MDGA2: variants seen among roughly 807,000 people sequenced by gnomAD.
The protein encoded by MDGA2 is MAM domain containing glycosylphosphatidylinositol anchor 2.
A neutral mutation model predicts 117.8 loss-of-function variants in MDGA2; 40 were observed. The observed-to-expected ratio is 0.34, with a 90% CI of 0.26 to 0.44. The LOEUF (loss-of-function observed/expected upper bound fraction) is 0.44, where lower values mean the gene tolerates loss of function less well. Among genes scored for constraint, MDGA2 ranks in the 20% least tolerant of loss-of-function variants. MDGA2 has a pLI of 1.00. For missense variants in MDGA2, 1,123 were observed against 1,250.6 expected, an observed-to-expected ratio of 0.90 and a Z score of 1.54; for synonymous variants, 452 against 439.0, an observed-to-expected ratio of 1.03 and a Z score of -0.37.
intron 1 of MDGA2, among the ~76,000 whole-genome samples, chr14:47,592,868 A>G (rs1896467303): frequency 6.6e-6 from 1 of 152,254 alleles, no homozygotes. Context: ...AATTGCAACA[A>G]AAGTAAAAAC....
At chr14:47,335,734 T>TATATATATATATATATATATATATATATA (rs1555374518) in intron 1 of MDGA2, among the ~76,000 whole-genome samples, 49 of 47,988 alleles carry the variant, frequency 1.0e-3, no homozygotes, top group African/African-American at 2.4e-3. Flanking sequence ...CACATATATT[T>TATATATATATATATATATATATATATATA]TATATATATA....
chr14:47,235,291 A>C (rs571161076), intron 2 of MDGA2, among the ~76,000 whole-genome samples: 1 of 152,308 alleles, frequency 6.6e-6, no homozygotes, highest in African/African-American at 2.4e-5. Flanking sequence ...TTATTACTTA[A>C]AAGTTTTGAC....
intron 2 of MDGA2, among the ~76,000 whole-genome samples, chr14:47,282,923 G>A (rs147974576): frequency 2.6e-5 from 4 of 152,216 alleles, no homozygotes; most frequent in African/African-American, 9.6e-5. Context: ...ACTCCAGCCT[G>A]AGCGACAGAG....
chr14:47,134,789 A>G (rs1435209863), intron 4 of MDGA2, among the ~76,000 whole-genome samples: 1 of 151,358 alleles, frequency 6.6e-6, no homozygotes, highest in Non-Finnish European at 1.5e-5. Flanking sequence ...ATATATATAT[A>G]TATATATCAC....
At chr14:46,993,889 T>C (rs543305382) in intron 8 of MDGA2, among the ~76,000 whole-genome samples, 2 of 152,296 alleles carry the variant, frequency 1.3e-5, no homozygotes, top group East Asian at 1.9e-4. Context: ...ATTCAGCTTC[T>C]GGGAGGTGTC....
chr14:47,584,406 T>C (rs1475371028), intron 1 of MDGA2, among the ~76,000 whole-genome samples: 1 of 151,896 alleles, frequency 6.6e-6, no homozygotes, highest in Admixed American at 6.6e-5. Context: ...ACTTGATGAC[T>C]GATTATATTT....
intron 1 of MDGA2, among the ~76,000 whole-genome samples, chr14:47,330,345 C>T (rs1890258388): frequency 6.6e-6 from 1 of 151,708 alleles, no homozygotes; most frequent in Admixed American, 6.6e-5. Flanking sequence ...ATATCAAATG[C>T]CATAGTTTGT....
chr14:47,602,594 G>C (rs1456686195), intron 1 of MDGA2, among the ~76,000 whole-genome samples: 1 of 152,138 alleles, frequency 6.6e-6, no homozygotes, highest in Non-Finnish European at 1.5e-5. Flanking sequence ...ACTATTTACA[G>C]TAAGGAAGAG....
At position 47,160,925 on chromosome 14, in the gene MDGA2, A is replaced by G. The variant is rs528414053; in HGVS notation, c.596-16651T>C. ...TTTAAATTTTGCTAGAAAATAATCA[A>G]TTTCCTTAAGAACTGCATGAAGCAT... is the stretch of plus-strand genomic sequence containing the variant. On this transcript the variant is annotated intron_variant, in intron 3 of 16. Transcript: ENST00000399232. Among the ~76,000 whole-genome samples the G allele has an allele frequency of 3.9e-5, 6 of 152,210 alleles. No homozygotes were observed. In the South Asian group the frequency reaches 1.2e-3, roughly 32 times the overall value.
intron 1 of MDGA2, among the ~76,000 whole-genome samples, chr14:47,642,340 T>C (rs1233545144): frequency 1.3e-5 from 2 of 152,094 alleles, no homozygotes; most frequent in Admixed American, 6.5e-5. Flanking sequence ...CAGCAGTACA[T>C]AACTCTTTAT....
At chr14:47,370,499 G>GTTTTTTTTTTTTT (rs1566758127) in intron 1 of MDGA2, among the ~76,000 whole-genome samples, 1 of 30,776 alleles carries the variant, frequency 3.2e-5, no homozygotes, top group East Asian at 1.1e-3. Context: ...TTTTTTTTTT[G>GTTTTTTTTTTTTT]TGTGTGTGTG....
At chr14:47,417,216 T>G in intron 1 of MDGA2, among the ~76,000 whole-genome samples, 1 of 152,204 alleles carries the variant, frequency 6.6e-6, no homozygotes, top group Non-Finnish European at 1.5e-5. Context: ...ATAATTTCCC[T>G]TTTTCACATT....
chr14:47,139,508 G>T (rs2139184109), intron 4 of MDGA2, among the ~76,000 whole-genome samples: 1 of 151,756 alleles, frequency 6.6e-6, no homozygotes, highest in East Asian at 1.9e-4. Context: ...CTCTGGAAAA[G>T]GTATGCCCAT....
At chr14:47,357,374 A>T (rs755081410) in intron 1 of MDGA2, among the ~76,000 whole-genome samples, 2 of 152,236 alleles carry the variant, frequency 1.3e-5, no homozygotes, top group African/African-American at 2.4e-5. Context: ...CAGCTAACAC[A>T]GGGAGGCTCT....
At chr14:47,308,500 TA>T (rs1192210425) in intron 1 of MDGA2, among the ~76,000 whole-genome samples, 2 of 112,520 alleles carry the variant, frequency 1.8e-5, no homozygotes, top group South Asian at 2.9e-4. Context: ...CTCTTTCTGT[TA>T]GTTTTTTTTT....
At chr14:47,462,732 CA>C (rs1893516612) in intron 1 of MDGA2, among the ~76,000 whole-genome samples, 1 of 151,606 alleles carries the variant, frequency 6.6e-6, no homozygotes, top group South Asian at 2.1e-4. Context: ...AACAATGAAG[CA>C]TTTTTTTTTT....
intron 8 of MDGA2, among the ~76,000 whole-genome samples, chr14:46,968,641 G>C (rs1886132245): frequency 1.3e-5 from 2 of 151,792 alleles, no homozygotes; most frequent in Admixed American, 6.6e-5. Flanking sequence ...AGACCAGCTT[G>C]GCCAACATGG....
At chr14:47,341,075 T>C (rs1285273381) in intron 1 of MDGA2, among the ~76,000 whole-genome samples, 1 of 152,198 alleles carries the variant, frequency 6.6e-6, no homozygotes, top group Non-Finnish European at 1.5e-5. Flanking sequence ...AGCTTGTTGT[T>C]GCTTTCTATA....
chr14:46,963,661 C>A (rs1885899511), intron 8 of MDGA2, among the ~76,000 whole-genome samples: 1 of 152,126 alleles, frequency 6.6e-6, no homozygotes, highest in African/African-American at 2.4e-5. Context: ...TTTAGGAAGC[C>A]CATCTTTGAT....
Sources: gnomAD v4.1 joint callset for allele counts (sites outside exome capture counted in the v4.1 genomes callset) on GRCh38, gnomAD v4.1.1 for gene constraint, MANE v1.5 for transcripts, NCBI Gene and HGNC (gene_info 2026-07-23, HGNC 2026-07-21) for gene names.